PTPRD: variants seen among roughly 807,000 people sequenced by gnomAD.
The protein encoded by PTPRD is protein tyrosine phosphatase receptor type D.
A neutral mutation model predicts 214.5 loss-of-function variants in PTPRD; 34 were observed. The ratio of observed to expected loss-of-function variants is 0.16; its 90% CI spans 0.12 to 0.21. The LOEUF (loss-of-function observed/expected upper bound fraction) is 0.21, where lower values mean the gene tolerates loss of function less well. PTPRD is among the 10% of genes least tolerant of loss of function. The pLI, the probability that PTPRD is intolerant of heterozygous loss-of-function variation, is 1.00. For synonymous variants in PTPRD, 1,128 were observed against 845.7 expected, an observed-to-expected ratio of 1.33 and a Z score of -5.79; for missense variants, 2,545 against 2,398.7, an observed-to-expected ratio of 1.06 and a Z score of -1.27.
intron 2 of PTPRD, among the ~76,000 whole-genome samples, chr9:10,407,176 C>A (rs780479682): frequency 7.9e-5 from 12 of 151,408 alleles, no homozygotes; most frequent in Non-Finnish European, 1.6e-4. Flanking sequence ...TGGAAAGAGT[C>A]TGAAGGTTTA....
chr9:10,413,821 T>C (rs2098460962), intron 2 of PTPRD, among the ~76,000 whole-genome samples: 1 of 151,968 alleles, frequency 6.6e-6, no homozygotes, highest in Non-Finnish European at 1.5e-5. Flanking sequence ...TATGACCATC[T>C]GATCCTCAAC....
At chr9:10,098,020 G>A (rs919230576) in intron 3 of PTPRD, among the ~76,000 whole-genome samples, 6 of 151,764 alleles carry the variant, frequency 4.0e-5, no homozygotes, top group Admixed American at 6.6e-5. Flanking sequence ...TATAAATCAT[G>A]CTGCTATAAA....
intron 4 of PTPRD, among the ~76,000 whole-genome samples, chr9:9,944,668 A>T (rs1486254045): frequency 6.6e-6 from 1 of 152,118 alleles, no homozygotes; most frequent in African/African-American, 2.4e-5. Context: ...GAGAGCATAC[A>T]TAGATTGCTT....
At chr9:10,384,850 G>A (rs1371910807) in intron 2 of PTPRD, among the ~76,000 whole-genome samples, 1 of 151,036 alleles carries the variant, frequency 6.6e-6, no homozygotes. Flanking sequence ...GATTTTTAAC[G>A]ATGTATAAAA....
intron 36 of PTPRD, among the ~76,000 whole-genome samples, chr9:8,402,448 C>T (rs989544428): frequency 3.3e-5 from 5 of 152,060 alleles, no homozygotes; most frequent in African/African-American, 9.7e-5. Flanking sequence ...AAAAGTACAG[C>T]GAAGTGGTAG....
intron 2 of PTPRD, among the ~76,000 whole-genome samples, chr9:10,461,617 C>A (rs1333282290): frequency 6.7e-6 from 1 of 149,938 alleles, no homozygotes; most frequent in African/African-American, 2.5e-5. Context: ...CCTTGCATGA[C>A]ATTCTTTTTT....
chr9:8,955,605 T>A (rs1469671115), intron 11 of PTPRD, among the ~76,000 whole-genome samples: 1 of 151,834 alleles, frequency 6.6e-6, no homozygotes, highest in East Asian at 1.9e-4. Flanking sequence ...AGAGGCTATT[T>A]CTGTTTTTTA....
chr9:10,286,744 G>A (rs1199741337), intron 3 of PTPRD, among the ~76,000 whole-genome samples: 5 of 151,850 alleles, frequency 3.3e-5, no homozygotes, highest in African/African-American at 4.8e-5. Flanking sequence ...TATTACAGGC[G>A]CCCAAGACCA....
At chr9:9,962,425 A>G (rs896042524) in intron 4 of PTPRD, among the ~76,000 whole-genome samples, 2 of 152,108 alleles carry the variant, frequency 1.3e-5, no homozygotes, top group Non-Finnish European at 2.9e-5. Context: ...CTTTATAAAG[A>G]AAATTAGAAT....
intron 3 of PTPRD, among the ~76,000 whole-genome samples, chr9:10,205,302 G>A (rs1169941089): frequency 1.3e-5 from 2 of 151,508 alleles, no homozygotes; most frequent in Non-Finnish European, 2.9e-5. Flanking sequence ...AATTTGAAAA[G>A]GTGAGATATA....
At chr9:8,983,107 C>T (rs1369368912) in intron 11 of PTPRD, among the ~76,000 whole-genome samples, 1 of 151,786 alleles carries the variant, frequency 6.6e-6, no homozygotes, top group Admixed American at 6.6e-5. Flanking sequence ...TTTCTTTAGT[C>T]TGTTTTCATC....
intron 14 of PTPRD, among the ~76,000 whole-genome samples, chr9:8,627,692 GA>G (rs1489265198): frequency 6.6e-6 from 1 of 151,750 alleles, no homozygotes; most frequent in Non-Finnish European, 1.5e-5. Flanking sequence ...AGATAGATCA[GA>G]AGGAAAATGA....
chr9:9,983,087 G>A (rs1317402774), intron 4 of PTPRD, among the ~76,000 whole-genome samples: 1 of 151,734 alleles, frequency 6.6e-6, no homozygotes, highest in Non-Finnish European at 1.5e-5. Flanking sequence ...TTTATTACTG[G>A]GACTCATTTG....
In PTPRD at chr9:10,411,668, A is replaced by AT. The variant is rs528195656; in HGVS notation, c.-599-70652dup. On this transcript the variant is annotated intron_variant, in intron 2 of 45. Transcript: ENST00000381196. Reference sequence around the variant, plus strand: ...AATTGCTGTAGTCATTTGCTATTTGATTTTTTTTACTTATTAGCTACTAAT... The same window carrying AT: ...AATTGCTGTAGTCATTTGCTATTTGATTTTTTTTTACTTATTAGCTACTAAT... 5.8e-3 allele frequency among the ~76,000 whole-genome samples: 882 copies of AT among 151,694 alleles called. 5 individuals carry two copies. The highest frequency in any genetic ancestry group is 0.018 in the African/African-American group (748 of 41,466).
intron 8 of PTPRD, among the ~76,000 whole-genome samples, chr9:9,441,150 A>G (rs1314117694): frequency 6.6e-6 from 1 of 152,152 alleles, no homozygotes; most frequent in Non-Finnish European, 1.5e-5. Context: ...CTACAGCTTA[A>G]GTGATACCAA....
chr9:9,911,999 T>C (rs964884193), intron 5 of PTPRD, among the ~76,000 whole-genome samples: 1 of 152,068 alleles, frequency 6.6e-6, no homozygotes, highest in Non-Finnish European at 1.5e-5. Context: ...ATAATGTTTA[T>C]TTATTAATTT....
intron 3 of PTPRD, among the ~76,000 whole-genome samples, chr9:10,236,162 T>C (rs1420347521): frequency 6.6e-6 from 1 of 151,912 alleles, no homozygotes; most frequent in African/African-American, 2.4e-5. Context: ...GACACAGATA[T>C]ACCTGCACTC....
At chr9:8,319,483 T>A (rs1280713033) in intron 45 of PTPRD, among the ~76,000 whole-genome samples, 4 of 151,884 alleles carry the variant, frequency 2.6e-5, no homozygotes. Context: ...GAGATTATAT[T>A]ATGTACTAAA....
chr9:8,952,549 T>G (rs1479310876), intron 11 of PTPRD, among the ~76,000 whole-genome samples: 2 of 151,930 alleles, frequency 1.3e-5, no homozygotes, highest in Non-Finnish European at 2.9e-5. Flanking sequence ...GAAATGAAGA[T>G]TTCTTTGATC....
Sources: allele counts gnomAD v4.1 joint callset (sites outside exome capture counted in the v4.1 genomes callset), GRCh38; gene constraint gnomAD v4.1.1; transcripts MANE v1.5; gene names NCBI Gene and HGNC (gene_info 2026-07-23, HGNC 2026-07-21).